The following RD3 variants were observed in gnomAD, a reference collection of about 807,000 sequenced individuals.
RD3 encodes RD3 regulator of GUCY2D.
Under a neutral mutation model 16.9 loss-of-function variants are expected in RD3, and 11 were observed. The ratio of observed to expected loss-of-function variants is 0.65; its 90% CI spans 0.41 to 1.08. RD3 has a LOEUF of 1.08. Ranked by LOEUF, RD3 falls within the 50% of genes least tolerant of loss-of-function variation. The probability of loss-of-function intolerance (pLI) is 0.00; values close to 1 mark genes in which losing one functional copy is unlikely to be tolerated. For synonymous variants in RD3, 116 were observed against 114.8 expected (o/e 1.01, Z -0.07); for missense variants, 274 against 267.4 (o/e 1.02, Z -0.17).
intron 1 of RD3, among the ~76,000 whole-genome samples, chr1:211,491,554 C>T (rs17017569): frequency 0.032 from 4,912 of 152,276 alleles, 109 homozygotes; most frequent in Middle Eastern, 0.082. Flanking sequence ...GGACCCTCAT[C>T]GGTTCCAACT....
chr1:211,476,741 T>C lies in RD3; in HGVS notation c.*2295A>G, dbSNP rs1343194940. The C allele has an allele frequency of 2.6e-5, 4 of 152,340 alleles. No homozygotes were observed. In the East Asian group the frequency reaches 7.7e-4, roughly 29 times the overall value. 9.4% of individuals were successfully genotyped at this position (152,340 alleles called of 1,614,324 possible). ...CTGCGGCTCGAAGGGAAGGTTTTCATTGGCAGCCAGTTACTTAAACTTAAG... is the reference window on the plus strand; with the variant it reads ...CTGCGGCTCGAAGGGAAGGTTTTCACTGGCAGCCAGTTACTTAAACTTAAG... On this transcript the variant is annotated 3_prime_UTR_variant, in exon 3 of 3. Coordinates refer to ENST00000680073, the MANE Select transcript of RD3 (RefSeq NM_001164688.2).
At chr1:211,486,015 C>T (rs1705367988) in intron 1 of RD3, among the ~76,000 whole-genome samples, 1 of 151,484 alleles carries the variant, frequency 6.6e-6, no homozygotes, top group African/African-American at 2.4e-5. Flanking sequence ...GTGGCATGCG[C>T]CTGTAGTTCC....
At chr1:211,480,929 C>A (rs907880825) in intron 2 of RD3, among the ~76,000 whole-genome samples, 191 bp downstream of exon 2, 1 of 152,234 alleles carries the variant, frequency 6.6e-6, no homozygotes, top group Non-Finnish European at 1.5e-5. Context: ...TCCTGCCTCC[C>A]GCTGGACCCC....
rs112425932 is a variant in RD3 at position 211,489,065 on chromosome 1, A to G, written c.-12+2703T>C. On this transcript the variant is annotated intron_variant, in intron 1 of 2. Transcript: ENST00000680073. ...TGCTGCCTTTGTCCAAGTCACCTTCATGGCCCCAAGCCTCAGTTTCCCCAA... is the reference window on the plus strand; with the variant it reads ...TGCTGCCTTTGTCCAAGTCACCTTCGTGGCCCCAAGCCTCAGTTTCCCCAA... Among the ~76,000 whole-genome samples the G allele has an allele frequency of 6.3e-3, 966 of 152,310 alleles. 10 individuals carry two copies. The highest frequency in any genetic ancestry group is 0.022 in the African/African-American group (908 of 41,560).
chr1:211,489,464 A>G lies in RD3; in HGVS notation c.-12+2304T>C, dbSNP rs142966500. Among the ~76,000 whole-genome samples the G allele has an allele frequency of 3.4e-3, 523 of 152,098 alleles. 15 individuals are homozygous for G. The highest frequency in any genetic ancestry group is 0.031 in the Admixed American group (479 of 15,238). On this transcript the variant is annotated intron_variant, in intron 1 of 2. Coordinates refer to ENST00000680073, the MANE Select transcript of RD3 (RefSeq NM_001164688.2). ...TATTCTTGAATTATCTGGTATGCTC[A>G]TCACTACTATGAAATTGTGGCATTT...
intron 2 of RD3, 66 bp downstream of exon 2, chr1:211,481,054 C>T (rs1400858876): frequency 6.4e-7 from 1 of 1,555,954 alleles, no homozygotes; most frequent in East Asian, 2.3e-5. Flanking sequence ...GGCCTCAGGC[C>T]CCTGCCACTG....
intron 2 of RD3, among the ~76,000 whole-genome samples, chr1:211,480,414 G>A (rs1294969602): frequency 2.0e-5 from 3 of 152,188 alleles, no homozygotes; most frequent in Non-Finnish European, 4.4e-5. Flanking sequence ...AGACTAACAG[G>A]AGTTTTAAGA....
At chr1:211,489,400 C>G (rs2102373711) in intron 1 of RD3, among the ~76,000 whole-genome samples, 1 of 151,808 alleles carries the variant, frequency 6.6e-6, no homozygotes, top group Non-Finnish European at 1.5e-5. Flanking sequence ...TTATCTCCAG[C>G]AGAAACCACA....
intron 1 of RD3, among the ~76,000 whole-genome samples, chr1:211,486,143 C>G (rs1389369450): frequency 2.2e-5 from 3 of 138,064 alleles, no homozygotes; most frequent in Non-Finnish European, 3.1e-5. Context: ...AGAGTGAGAC[C>G]CCATCTCAAA....
Position 211,479,183 on chromosome 1 carries a change from G to A in RD3, c.441C>T (p.Arg147=). 1.9e-6 allele frequency: 3 copies of A among 1,612,508 alleles called. No homozygotes were observed. The highest frequency in any genetic ancestry group is 2.2e-5 in the East Asian group (1 of 44,828). ...GGGTCTTGAAGGTGGCCAGGCTGCCGCGGGGCCGCAGGCTCCACTGGCGCG... is the reference window on the plus strand; with the variant it reads ...GGGTCTTGAAGGTGGCCAGGCTGCCACGGGGCCGCAGGCTCCACTGGCGCG... ...KLTRQWSLRP[R]GSLATFKTRA... The change falls in exon 3 of 3, where the codon CGC becomes CGT. Residue 147 remains arginine, a synonymous_variant. Coordinates refer to ENST00000680073, the MANE Select transcript of RD3 (RefSeq NM_001164688.2).
At position 211,479,445 on chromosome 1, in the gene RD3, C is replaced by T. The variant is rs1024113829; in HGVS notation, c.297-118G>A. On this transcript the variant is annotated intron_variant, in intron 2 of 2. Transcript: ENST00000680073. The stretch of plus-strand genomic sequence containing the variant: ...TCATGGCCAATTAGTCCACTCTACT[C>T]TGCTCCTGAAGCGAATCAGGAACCA... 10 of 916,250 alleles carry T rather than the reference C, an allele frequency of 1.1e-5. No homozygotes were observed. In the East Asian group the frequency reaches 2.6e-4, roughly 24 times the overall value. 56.8% of individuals were successfully genotyped at this position (916,250 alleles called of 1,614,324 possible).
In RD3 at chr1:211,492,051, GTGTGTGTGT is replaced by G. The variant is rs1558183297; in HGVS notation, c.-304_-296del. ...ACTATTGTTTGTGGGGTGTGTAGGT[GTGTGTGTGT>G]GTGTGTGTGTGTGTGTGTGTGTGTG... On this transcript the variant is annotated 5_prime_UTR_variant, in exon 1 of 3. Coordinates refer to ENST00000680073, the MANE Select transcript of RD3 (RefSeq NM_001164688.2). 0.11 allele frequency: 1,875 copies of G among 16,646 alleles called. 21 individuals carry two copies. The highest frequency in any genetic ancestry group is 0.29 in the East Asian group (174 of 598). The allele number at this position is 16,646 out of a possible 1,614,324, so 1.0% of individuals were successfully genotyped here. A position where few individuals can be genotyped will look rare whatever the true frequency, so the allele number is the denominator to read the frequency against.
At chr1:211,482,025 C>G (rs1220153663) in intron 1 of RD3, among the ~76,000 whole-genome samples, 1 of 152,190 alleles carries the variant, frequency 6.6e-6, no homozygotes, top group East Asian at 1.9e-4. Context: ...GAGATCAAGA[C>G]AAGCCTGACC....
chr1:211,482,969 A>G (rs1404319337), intron 1 of RD3, among the ~76,000 whole-genome samples: 1 of 151,974 alleles, frequency 6.6e-6, no homozygotes, highest in Admixed American at 6.5e-5. Context: ...CAGAGGACAC[A>G]TGCATTTTTA....
chr1:211,480,674 ACACACACACT>A (rs1705240560), intron 2 of RD3, among the ~76,000 whole-genome samples: 1 of 142,898 alleles, frequency 7.0e-6, no homozygotes, highest in Non-Finnish European at 1.6e-5. Context: ...ACACACACAC[ACACACACACT>A]CACCTGTGGT....
chr1:211,481,205 A>T lies in RD3; in HGVS notation c.211T>A (p.Tyr71Asn). 3 of 1,614,272 alleles carry T rather than the reference A, an allele frequency of 1.9e-6. No homozygotes were observed. The highest frequency in any genetic ancestry group is 2.5e-6 in the Non-Finnish European group (3 of 1,180,052). ...AACCGCTCAATGGGGCTGAGGTCATAGGTGGACCGGGGTGTGCTGGCCAGC... is the reference window on the plus strand; with the variant it reads ...AACCGCTCAATGGGGCTGAGGTCATTGGTGGACCGGGGTGTGCTGGCCAGC... ...SWLASTPRST[Y>N]DLSPIERLQL... The change falls in exon 2 of 3, where the codon TAT becomes AAT. Residue 71 changes from tyrosine to asparagine, a missense_variant. Transcript: ENST00000680073.
intron 1 of RD3, among the ~76,000 whole-genome samples, chr1:211,487,821 C>T (rs935137690): frequency 5.9e-5 from 9 of 152,254 alleles, no homozygotes; most frequent in Admixed American, 2.0e-4. Context: ...CACTCACTCG[C>T]TCAGCAGACA....
chr1:211,486,213 A>C (rs533827255), intron 1 of RD3, among the ~76,000 whole-genome samples: 2 of 151,834 alleles, frequency 1.3e-5, no homozygotes, highest in Admixed American at 1.3e-4. Context: ...TTATATTTAA[A>C]AGAAAAAAAG....
In RD3 at chr1:211,478,898, C is replaced by G; in HGVS notation, c.*138G>C. 1 of 722,368 alleles carries G rather than the reference C, an allele frequency of 1.4e-6. No homozygotes were observed. The highest frequency in any genetic ancestry group is 2.2e-6 in the Non-Finnish European group (1 of 458,082). 44.7% of individuals were successfully genotyped at this position (722,368 alleles called of 1,614,324 possible). On this transcript the variant is annotated 3_prime_UTR_variant, in exon 3 of 3. Transcript: ENST00000680073. ...GGCAGGGAGTCGCTTCATTTTATAG[C>G]AGCGTCTTGGGATGGGGCCGCCTCT...
Sources: gnomAD v4.1 joint callset for allele counts (sites outside exome capture counted in the v4.1 genomes callset) on GRCh38, gnomAD v4.1.1 for gene constraint, MANE v1.5 for transcripts, NCBI Gene and HGNC (gene_info 2026-07-23, HGNC 2026-07-21) for gene names.